Variants in CWF19L1 observed in about 807,000 individuals in gnomAD.
CWF19L1 encodes CWF19 like cell cycle control factor 1, also known as CWF19-like protein 1.
Under a neutral mutation model 69.7 loss-of-function variants are expected in CWF19L1, and 60 were observed. The observed-to-expected ratio is 0.86, with a 90% confidence interval of 0.70 to 1.07. The LOEUF is 1.07. CWF19L1 is among the 50% of genes least tolerant of loss of function. The pLI is 0.00. For synonymous variants in CWF19L1, 209 were observed against 222.2 expected (o/e 0.94, Z 0.53); for missense variants, 591 against 638.9 (o/e 0.92, Z 0.81).
chr10:100,233,168 A>T lies in CWF19L1; in HGVS notation c.*59T>A. 1.1e-6 allele frequency: 1 copy of T among 912,056 alleles called. No homozygotes were observed. The highest frequency in any genetic ancestry group is 1.5e-6 in the Non-Finnish European group (1 of 674,322). The allele number at this position is 912,056 out of a possible 1,614,324, so 56.5% of individuals were successfully genotyped here. On this transcript the variant is annotated 3_prime_UTR_variant, in exon 14 of 14. Transcript: ENST00000354105. ...GTCTCAAAAAAAATTCTTTTAATTA[A>T]AAAAAAAAAAAAGCTTTACTACTTC...
At position 100,238,112 on chromosome 10, in the gene CWF19L1, A is replaced by G. The variant is rs773522392; in HGVS notation, c.1164T>C (p.Tyr388=). The change falls in exon 11 of 14, where the codon TAT becomes TAC. Residue 388 remains tyrosine, a synonymous_variant. Coordinates refer to ENST00000354105, the MANE Select transcript of CWF19L1 (RefSeq NM_018294.6). ...TAAAGAACCGTCTCAGAGTGGCCTT[A>G]TACTTCTCCACCTCTTCTACCACCT... is the stretch of plus-strand genomic sequence containing the variant. ...SAEVVEEVEK[Y]KATLRRFFKS... is the part of the protein sequence containing the mutation. 6.2e-5 allele frequency: 100 copies of G among 1,614,128 alleles called. 1 individual carries two copies. Among genetic ancestry groups the G allele is most frequent in the Non-Finnish European group, 8.1e-5 (96 of 1,180,018 alleles).
intron 8 of CWF19L1, 89 bp downstream of exon 8, chr10:100,246,706 A>G: frequency 7.8e-7 from 1 of 1,277,098 alleles, no homozygotes; most frequent in South Asian, 1.8e-5. Flanking sequence ...AAAAAGATTT[A>G]GATTCTAACG....
chr10:100,253,879 T>G lies in CWF19L1; in HGVS notation c.505-340A>C, dbSNP rs557893995. The G allele has an allele frequency of 2.2e-3, 397 of 184,210 alleles. 2 individuals carry two copies. The highest frequency in any genetic ancestry group is 9.7e-3 in the African/African-American group (376 of 38,760). 11.4% of individuals were successfully genotyped at this position (184,210 alleles called of 1,614,324 possible). ...ACAGACTGGGCTTCTAGTTTTGGTT[T>G]GTTTTTTTTTTTTGAGATGGAGTCT... On this transcript the variant is annotated intron_variant, in intron 5 of 13. Coordinates refer to ENST00000354105, the MANE Select transcript of CWF19L1 (RefSeq NM_018294.6).
chr10:100,235,683 GAA>G lies in CWF19L1; in HGVS notation c.1454_1455del (p.Phe485SerfsTer12). 1.2e-6 allele frequency: 2 copies of G among 1,611,094 alleles called. No homozygotes were observed. Among genetic ancestry groups the G allele is most frequent in the Non-Finnish European group, 8.5e-7 (1 of 1,178,930 alleles). On this transcript the variant is annotated frameshift_variant, in exon 13 of 14. Coordinates refer to ENST00000354105, the MANE Select transcript of CWF19L1 (RefSeq NM_018294.6). LOFTEE classifies it high-confidence loss of function. ...EKLFHRIKKN[F>X]PLQFGREVLA... is the part of the protein sequence containing the mutation. ...AAAACATACCTTCCAAACTGCAAAG[GAA>G]AATTCTTTTTAATTCTGTGGAAAAG...
At chr10:100,265,525 CTTT>C (rs35773155) in intron 1 of CWF19L1, among the ~76,000 whole-genome samples, 9 of 121,006 alleles carry the variant, frequency 7.4e-5, no homozygotes, top group African/African-American at 9.7e-5. Flanking sequence ...TTTTCTTTTT[CTTT>C]TTTTTTTTTT....
intron 10 of CWF19L1, among the ~76,000 whole-genome samples, chr10:100,240,871 G>A (rs1265843986): frequency 6.6e-6 from 1 of 152,124 alleles, no homozygotes. Flanking sequence ...TGCTATAAAA[G>A]CTAGAGCTTC....
Position 100,246,799 on chromosome 10 carries a change from G to C in CWF19L1, c.845C>G (p.Pro282Arg), listed in dbSNP as rs1474807166. The C allele has an allele frequency of 5.0e-6, 8 of 1,613,182 alleles. No individual in the cohort carries two copies. Among genetic ancestry groups the C allele is most frequent in the Non-Finnish European group, 6.8e-6 (8 of 1,179,490 alleles). ...CAACCCTCAATCAGAACATACCACA[G>C]GGGCAAGAATTTGCTTTCCTATGGA... ...EASIGKQILA[P>R]VEESACQFFF... is the part of the protein sequence containing the mutation. The change falls in exon 8 of 14, where the codon CCT becomes CGT. Residue 282 changes from proline (P) to arginine (R), a missense_variant. Physicochemically the swap from Pro to Arg is moderately radical, Grantham distance 103. This residue lies in a region of CWF19L1 where 458 missense variants were observed against 489.3 expected (regional missense o/e 0.94). Transcript: ENST00000354105.
chr10:100,236,291 G>C (rs1846434215), intron 12 of CWF19L1, among the ~76,000 whole-genome samples: 1 of 151,508 alleles, frequency 6.6e-6, no homozygotes, highest in African/African-American at 2.4e-5. Context: ...ATTTTTTGTA[G>C]AGACAAGGTG....
At chr10:100,255,256 C>T (rs987078555) in intron 5 of CWF19L1, among the ~76,000 whole-genome samples, 6 of 152,196 alleles carry the variant, frequency 3.9e-5, no homozygotes, top group Admixed American at 2.0e-4. Context: ...TGGTGGCTCA[C>T]GCCTGTAATC....
At chr10:100,265,574 G>A (rs1329530304) in intron 1 of CWF19L1, among the ~76,000 whole-genome samples, 1 of 146,410 alleles carries the variant, frequency 6.8e-6, no homozygotes, top group African/African-American at 2.5e-5. Context: ...AGGCTGGAGT[G>A]CAGTGGTGCG....
At chr10:100,238,581 A>G (rs181801904) in intron 10 of CWF19L1, among the ~76,000 whole-genome samples, 177 of 152,274 alleles carry the variant, frequency 1.2e-3, no homozygotes, top group Non-Finnish European at 2.5e-4. Flanking sequence ...ACTTGAAAAC[A>G]GTTTTTCAGT....
chr10:100,243,547 C>T, intron 10 of CWF19L1, 151 bp downstream of exon 10: 4 of 691,136 alleles, frequency 5.8e-6, no homozygotes, highest in South Asian at 1.7e-5. Flanking sequence ...AACTATACCA[C>T]GTGATGGTGG....
chr10:100,264,111 T>C (rs192167096), intron 1 of CWF19L1, among the ~76,000 whole-genome samples: 1 of 152,356 alleles, frequency 6.6e-6, no homozygotes, highest in East Asian at 1.9e-4. Flanking sequence ...TAGTGCAATA[T>C]ATTACTCATT....
At chr10:100,246,060 T>C (rs1425817850) in intron 8 of CWF19L1, 147 bp from the exon 9 acceptor site, 1 of 589,938 alleles carries the variant, frequency 1.7e-6, no homozygotes, top group African/African-American at 1.9e-5. Context: ...AAGCAAAATA[T>C]CTTCCCAGTT....
In CWF19L1 at chr10:100,243,883, T is replaced by C. The variant is rs559767247; in HGVS notation, c.965-106A>G. ...GATTTTTATATCCTGAAAAGACTGG[T>C]ATACAACACTGCCACAATGGGCTGA... On this transcript the variant is annotated intron_variant, in intron 9 of 13. Coordinates refer to ENST00000354105, the MANE Select transcript of CWF19L1 (RefSeq NM_018294.6). 1.9e-5 allele frequency: 16 copies of C among 845,404 alleles called. No individual in the cohort carries two copies. In the African/African-American group the frequency reaches 2.3e-4, roughly 12 times the overall value. 52.4% of individuals were successfully genotyped at this position (845,404 alleles called of 1,614,324 possible). A position where few individuals can be genotyped will look rare whatever the true frequency, so the allele number is the denominator to read the frequency against.
intron 9 of CWF19L1, 136 bp downstream of exon 9, chr10:100,245,663 T>C: frequency 1.6e-6 from 1 of 641,266 alleles, no homozygotes; most frequent in Non-Finnish European, 2.7e-6. Context: ...TATTTTATTT[T>C]TACTGTTGGT....
intron 1 of CWF19L1, among the ~76,000 whole-genome samples, chr10:100,264,283 C>T (rs551728166): frequency 3.3e-5 from 5 of 152,180 alleles, no homozygotes; most frequent in Non-Finnish European, 5.9e-5. Flanking sequence ...CGGTGGCTTA[C>T]GCCTGTAATC....
intron 7 of CWF19L1, chr10:100,248,365 G>T: frequency 1.1e-6 from 1 of 875,060 alleles, no homozygotes; most frequent in Non-Finnish European, 1.9e-6. Context: ...GCTGAGCAAA[G>T]AGCTGTCATC....
At chr10:100,264,094 A>G (rs1847491566) in intron 1 of CWF19L1, among the ~76,000 whole-genome samples, 1 of 152,246 alleles carries the variant, frequency 6.6e-6, no homozygotes, top group African/African-American at 2.4e-5. Context: ...AGCCATTTGT[A>G]ACATCATAGT....
Sources: allele counts gnomAD v4.1 joint callset (sites outside exome capture counted in the v4.1 genomes callset), GRCh38; gene constraint gnomAD v4.1.1; regional missense constraint gnomAD v4.1.1; transcripts MANE v1.5; gene names NCBI Gene and HGNC (gene_info 2026-07-23, HGNC 2026-07-21).